Variants in RARG observed in about 807,000 individuals in gnomAD.
RARG encodes RAR-gamma.
A neutral mutation model predicts 43.7 loss-of-function variants in RARG; 17 were observed. The observed-to-expected ratio is 0.39, with a 90% CI of 0.27 to 0.58. The LOEUF (loss-of-function observed/expected upper bound fraction) is 0.58. RARG is among the 20% of genes least tolerant of loss of function. RARG has a pLI of 0.57. For missense variants in RARG, 346 were observed against 598.7 expected (o/e 0.58, Z 4.40); for synonymous variants, 238 against 236.4 (o/e 1.01, Z -0.06).
At chr12:53,224,638 T>C (rs1266538723) in intron 3 of RARG, among the ~76,000 whole-genome samples, 5 of 152,052 alleles carry the variant, frequency 3.3e-5, no homozygotes, top group African/African-American at 1.2e-4. Flanking sequence ...CCCCTATGTC[T>C]TCCTCTCTGC....
rs535716205 is a variant in RARG, at chr12:53,223,533, C to T, written c.184+3829G>A. ...TGCCCGGCTCCCCCCGCCCCCCCCC[C>T]GCCCAAGAGGTTTCCTGTTGCAATC... On this transcript the variant is annotated intron_variant, in intron 3 of 9. Transcript: ENST00000425354. 9.5e-5 allele frequency among the ~76,000 whole-genome samples: 14 copies of T among 147,870 alleles called. No homozygotes were observed. In the South Asian group the frequency reaches 1.6e-3, roughly 17 times the overall value.
chr12:53,214,403 G>C, intron 6 of RARG, 43 bp downstream of exon 6: 2 of 1,594,680 alleles, frequency 1.3e-6, no homozygotes, highest in East Asian at 2.3e-5. Flanking sequence ...ATTCCCCAAA[G>C]TGAAGAGTGC....
chr12:53,224,852 G>A (rs1185806511), intron 3 of RARG, among the ~76,000 whole-genome samples: 4 of 152,118 alleles, frequency 2.6e-5, no homozygotes, highest in Non-Finnish European at 5.9e-5. Flanking sequence ...GGCCTTCGAA[G>A]ATGGAGCCCG....
At chr12:53,222,937 T>G (rs1264258708) in intron 3 of RARG, among the ~76,000 whole-genome samples, 1 of 151,902 alleles carries the variant, frequency 6.6e-6, no homozygotes, top group Non-Finnish European at 1.5e-5. Context: ...CTCACCCCCT[T>G]CCCTATGATC....
Position 53,227,410 on chromosome 12 carries a change from A to G in RARG, c.136T>C (p.Phe46Leu). The change falls in exon 3 of 10, where the codon TTC becomes CTC. Residue 46 changes from phenylalanine to leucine, a missense_variant. This residue lies in a region of RARG where 90 missense variants were observed against 93.2 expected (regional missense o/e 0.97). Transcript: ENST00000425354. This position sits in a 1 kb window ranked among gnomAD's most constrained non-coding sequence, Gnocchi z 4.3. ...SPPFEMLSPS[F>L]RGLGQPDLPK... ...AGGTCAGGCTGGCCCAGGCCCCGGA[A>G]GCTAGGGCTCAGCATCTCGAAAGGC... 6.2e-7 allele frequency: 1 copy of G among 1,604,210 alleles called. No homozygotes were observed. Among genetic ancestry groups the G allele is most frequent in the Non-Finnish European group, 8.5e-7 (1 of 1,175,556 alleles).
intron 2 of RARG, among the ~76,000 whole-genome samples, chr12:53,230,391 C>T (rs1485540761): frequency 2.6e-5 from 4 of 152,042 alleles, no homozygotes; most frequent in Non-Finnish European, 5.9e-5. Flanking sequence ...AACAAAGCTG[C>T]TCTTGTCGGC....
intron 6 of RARG, 37 bp from the exon 7 acceptor site, chr12:53,214,272 T>G (rs1942694177): frequency 1.9e-6 from 3 of 1,583,764 alleles, no homozygotes; most frequent in Non-Finnish European, 2.6e-6. Flanking sequence ...GAAGGCAAGC[T>G]AAGGCCCACC....
intron 2 of RARG, chr12:53,230,067 G>C (rs1169898771): frequency 2.4e-6 from 2 of 825,682 alleles, no homozygotes; most frequent in African/African-American, 3.7e-5. Flanking sequence ...GGAAGAGAAG[G>C]GGAGGGTCTT....
intron 3 of RARG, among the ~76,000 whole-genome samples, chr12:53,218,539 T>C (rs989388861): frequency 1.3e-5 from 2 of 152,054 alleles, no homozygotes; most frequent in African/African-American, 4.8e-5. Context: ...AAAGCAATAG[T>C]TCCATGCTTT....
intron 3 of RARG, chr12:53,219,998 A>G: frequency 6.6e-7 from 1 of 1,524,526 alleles, no homozygotes; most frequent in Non-Finnish European, 8.8e-7. Context: ...AGTCCGGCGA[A>G]ACAGGAGCCG....
rs765080727 is a variant in RARG at position 53,213,485 on chromosome 12, C to T, written c.1018+11G>A. ...TGAGCACTGAGCAGACGCCAGGGGG[C>T]GCCCCCGCACCTCCGCAGATGAGGC... On this transcript the variant is annotated intron_variant, in intron 8 of 9. Transcript: ENST00000425354. This position sits in a 1 kb window ranked among gnomAD's most constrained non-coding sequence, Gnocchi z 4.7. 23 of 1,612,056 alleles carry T rather than the reference C, an allele frequency of 1.4e-5. No homozygotes were observed. Among genetic ancestry groups the T allele is most frequent in the African/African-American group, 4.0e-5 (3 of 74,838 alleles).
At chr12:53,218,544 T>C (rs368557098) in intron 3 of RARG, among the ~76,000 whole-genome samples, 16 of 152,262 alleles carry the variant, frequency 1.1e-4, no homozygotes, top group East Asian at 5.8e-4. Context: ...AATAGTTCCA[T>C]GCTTTCTCGG....
At position 53,214,248 on chromosome 12, in the gene RARG, G is replaced by T. The variant is rs1301849597; in HGVS notation, c.637-13C>A. 1.9e-6 allele frequency: 3 copies of T among 1,609,390 alleles called. No homozygotes were observed. In the African/African-American group the frequency reaches 4.0e-5, roughly 22 times the overall value. On this transcript the variant is annotated splice_polypyrimidine_tract_variant and intron_variant, in intron 6 of 9. Transcript: ENST00000425354. The stretch of plus-strand genomic sequence containing the variant: ...CTGCACTGGAGTTCTGCAGAGGGGA[G>T]GGGTAGAAGGTTGGAAGGCAAGCTA...
intron 3 of RARG, among the ~76,000 whole-genome samples, chr12:53,217,523 C>T (rs555303111): frequency 5.9e-4 from 90 of 152,298 alleles, no homozygotes; most frequent in Non-Finnish European, 4.9e-4. Context: ...GACTGGGGGC[C>T]TTAGGGAGAC....
chr12:53,223,067 G>T (rs997853712), intron 3 of RARG, among the ~76,000 whole-genome samples: 4 of 152,082 alleles, frequency 2.6e-5, no homozygotes, highest in Admixed American at 6.5e-5. Flanking sequence ...TTCTTTCGGG[G>T]TCACCCCTTA....
intron 5 of RARG, 135 bp from the exon 6 acceptor site, chr12:53,214,741 T>C (rs1292328757): frequency 9.9e-7 from 1 of 1,007,756 alleles, no homozygotes; most frequent in African/African-American, 1.6e-5. Context: ...CTGCCTCAGT[T>C]TCCCTATCAC....
rs1377618476 is a variant in RARG at position 53,218,182 on chromosome 12, A to T, written c.185-2388T>A. On this transcript the variant is annotated intron_variant, in intron 3 of 9. Coordinates refer to ENST00000425354, the MANE Select transcript of RARG (RefSeq NM_000966.6). ...TGCCAACGCAGCACCAGGACACCAA[A>T]GCCTCCAAACAGGCACACACACACA... 2.6e-5 allele frequency among the ~76,000 whole-genome samples: 4 copies of T among 152,170 alleles called. No individual in the cohort carries two copies. The South Asian group carries it at 8.3e-4, about 32-fold the overall frequency.
At chr12:53,228,623 A>C (rs1363114235) in intron 2 of RARG, among the ~76,000 whole-genome samples, 1 of 151,906 alleles carries the variant, frequency 6.6e-6, no homozygotes, top group Non-Finnish European at 1.5e-5. Context: ...TGGAGCCCCC[A>C]CTTGTGCCAA....
rs1942748459 is a variant in RARG at position 53,215,934 on chromosome 12, G to C, written c.185-140C>G. ...TCACTACCACAGTGCACTAGTTCCAGCAGTAAGCACTGTCAGAATCCTCTT... is the reference window on the plus strand; with the variant it reads ...TCACTACCACAGTGCACTAGTTCCACCAGTAAGCACTGTCAGAATCCTCTT... On this transcript the variant is annotated intron_variant, in intron 3 of 9. Coordinates refer to ENST00000425354, the MANE Select transcript of RARG (RefSeq NM_000966.6). This position sits in a 1 kb window ranked among gnomAD's most constrained non-coding sequence, Gnocchi z 6.4. The C allele has an allele frequency of 1.1e-5, 10 of 929,334 alleles. No individual in the cohort carries two copies. The highest frequency in any genetic ancestry group is 1.7e-5 in the African/African-American group (1 of 59,778). 57.6% of individuals were successfully genotyped at this position (929,334 alleles called of 1,614,324 possible).
Sources: allele counts gnomAD v4.1 joint callset (sites outside exome capture counted in the v4.1 genomes callset), GRCh38; gene constraint gnomAD v4.1.1; regional missense constraint gnomAD v4.1.1; non-coding constraint Gnocchi (gnomAD v3.1); transcripts MANE v1.5; gene names NCBI Gene and HGNC (gene_info 2026-07-23, HGNC 2026-07-21).